The following NAV2 variants were observed in gnomAD, a reference collection of about 807,000 sequenced individuals.
NAV2 encodes helicase, APC down-regulated 1.
Under a neutral mutation model 223.2 loss-of-function variants are expected in NAV2, and 54 were observed. The ratio of observed to expected loss-of-function variants is 0.24; its 90% CI spans 0.19 to 0.30. The LOEUF (loss-of-function observed/expected upper bound fraction) is 0.30. Among genes scored for constraint, NAV2 ranks in the 10% least tolerant of loss-of-function variants. The pLI, the probability that NAV2 is intolerant of heterozygous loss-of-function variation, is 1.00. For synonymous variants in NAV2, 1,279 were observed against 1,239.3 expected (o/e 1.03, Z -0.67); for missense variants, 2,806 against 3,147.5 (o/e 0.89, Z 2.60).
rs34649376 is a variant in NAV2 at position 19,818,231 on chromosome 11, A to ATTTTTT, written c.268-14227_268-14222dup. On this transcript the variant is annotated intron_variant, in intron 1 of 37. Coordinates refer to ENST00000349880, the MANE Select transcript of NAV2 (RefSeq NM_145117.5). ...CTGTCCCACCTGTGTGTATTTAGTG[A>ATTTTTT]TTTTTTTTTTTTTTTTTTTTTTTTT... Among the ~76,000 whole-genome samples the ATTTTTT allele has an allele frequency of 4.1e-4, 23 of 56,040 alleles. 3 individuals carry two copies. The highest frequency in any genetic ancestry group is 1.3e-3 in the African/African-American group (15 of 11,534). 36.8% of individuals were successfully genotyped at this position (56,040 alleles called of 152,430 possible). A position where few individuals can be genotyped will look rare whatever the true frequency, so the allele number is the denominator to read the frequency against.
chr11:19,678,778 C>T (rs4267050), intron 1 of NAV2, among the ~76,000 whole-genome samples: 118,196 of 152,114 alleles, frequency 0.78, 48,346 homozygotes, highest in Non-Finnish European at 0.91. Flanking sequence ...TGCTAATGCC[C>T]GGATTGGCCA....
intron 1 of NAV2, among the ~76,000 whole-genome samples, chr11:19,799,416 TA>T (rs2058100199): frequency 6.6e-6 from 1 of 152,124 alleles, no homozygotes; most frequent in Non-Finnish European, 1.5e-5. Flanking sequence ...TCAACAACCC[TA>T]AGTGAGTAGA....
chr11:19,369,782 G>A (rs1324145341), intron 1 of NAV2, among the ~76,000 whole-genome samples: 1 of 152,168 alleles, frequency 6.6e-6, no homozygotes, highest in Non-Finnish European at 1.5e-5. Flanking sequence ...TGAATATCGA[G>A]CCGGTGCATC....
chr11:20,077,668 C>G, intron 23 of NAV2, 33 bp downstream of exon 23: 1 of 1,526,536 alleles, frequency 6.6e-7, no homozygotes, highest in African/African-American at 1.4e-5. Flanking sequence ...ACCCTCCCTA[C>G]TTGGAGTTAA....
intron 11 of NAV2, among the ~76,000 whole-genome samples, chr11:20,022,337 C>T (rs769412035): frequency 5.3e-5 from 8 of 152,130 alleles, no homozygotes; most frequent in Non-Finnish European, 7.4e-5. Flanking sequence ...CTCTCTCCCA[C>T]CCACCTCCCC....
Position 19,738,734 on chromosome 11 carries a change from A to T in NAV2, c.267+24772A>T, listed in dbSNP as rs561509116. On this transcript the variant is annotated intron_variant, in intron 1 of 37. Transcript: ENST00000349880. Reference sequence around the variant, plus strand: ...TGTTTGGGCTTTGTGAAGGCTCTTTAAAGGTGTTTTAATGACAGCAGAGAT... The same window carrying T: ...TGTTTGGGCTTTGTGAAGGCTCTTTTAAGGTGTTTTAATGACAGCAGAGAT... 2.6e-5 allele frequency among the ~76,000 whole-genome samples: 4 copies of T among 152,240 alleles called. No homozygotes were observed. The East Asian group carries it at 7.7e-4, about 29-fold the overall frequency.
chr11:19,658,666 C>G (rs2048190840), intron 1 of NAV2, among the ~76,000 whole-genome samples: 1 of 152,186 alleles, frequency 6.6e-6, no homozygotes, highest in African/African-American at 2.4e-5. Context: ...TATCCCCGTG[C>G]AGGCTCTGAC....
rs372881201 is a variant in NAV2, at chr11:19,554,362, C to A, written c.75+203335C>A. Among the ~76,000 whole-genome samples, 32 of 152,300 alleles carry A rather than the reference C, an allele frequency of 2.1e-4. 1 individual carries two copies. The South Asian group carries it at 6.4e-3, about 31-fold the overall frequency. ...GATGCCAATGCCCACACTAGGCCAA[C>A]CTTACAGTTTGTGATTTGTCTCTGG... On this transcript the variant is annotated intron_variant, in intron 1 of 37. Transcript: ENST00000360655.
At chr11:20,060,535 C>A (rs2058636990) in intron 19 of NAV2, among the ~76,000 whole-genome samples, 1 of 152,160 alleles carries the variant, frequency 6.6e-6, no homozygotes, top group African/African-American at 2.4e-5. Context: ...CAGGGCATTG[C>A]TAAGGAGGGT....
At chr11:19,631,787 G>A (rs1322180119) in intron 1 of NAV2, among the ~76,000 whole-genome samples, 3 of 152,218 alleles carry the variant, frequency 2.0e-5, no homozygotes, top group East Asian at 1.9e-4. Flanking sequence ...CATCATGCCT[G>A]GCTTGTGGCT....
chr11:19,438,467 T>C lies in NAV2; in HGVS notation c.75+87440T>C, dbSNP rs142287965. Among the ~76,000 whole-genome samples, 1,469 of 152,332 alleles carry C rather than the reference T, an allele frequency of 9.6e-3. 24 individuals carry two copies. Among genetic ancestry groups the C allele is most frequent in the African/African-American group, 0.034 (1,397 of 41,572 alleles). On this transcript the variant is annotated intron_variant, in intron 1 of 37. Transcript: ENST00000360655. ...TCAGAGTCTGTTTTACCAGCTACTATGATCTGTTTTTAACTCATAACACTT... is the reference window on the plus strand; with the variant it reads ...TCAGAGTCTGTTTTACCAGCTACTACGATCTGTTTTTAACTCATAACACTT...
At chr11:19,484,633 G>A (rs1466079248) in intron 1 of NAV2, among the ~76,000 whole-genome samples, 1 of 152,142 alleles carries the variant, frequency 6.6e-6, no homozygotes, top group Non-Finnish European at 1.5e-5. Context: ...TTCTCAGGAG[G>A]AGGCAGAAAT....
At chr11:19,715,763 C>G (rs1334503946) in intron 1 of NAV2, among the ~76,000 whole-genome samples, 2 of 152,204 alleles carry the variant, frequency 1.3e-5, no homozygotes, top group African/African-American at 4.8e-5. Context: ...CTTTGCTTCC[C>G]TCTTTTGCCC....
chr11:19,750,042 C>T (rs1168228265), intron 1 of NAV2, among the ~76,000 whole-genome samples: 2 of 152,222 alleles, frequency 1.3e-5, no homozygotes, highest in Admixed American at 1.3e-4. Flanking sequence ...ACAAAGAATT[C>T]AGCTTTGCAA....
intron 1 of NAV2, among the ~76,000 whole-genome samples, chr11:19,429,031 T>C (rs1850943523): frequency 6.6e-6 from 1 of 152,142 alleles, no homozygotes; most frequent in Non-Finnish European, 1.5e-5. Context: ...AGAAGGGGAA[T>C]GGGGAAGACC....
chr11:19,976,094 C>T (rs60759028), intron 10 of NAV2, among the ~76,000 whole-genome samples: 14,501 of 152,136 alleles, frequency 0.095, 745 homozygotes, highest in African/African-American at 0.14. Context: ...AATAAATATA[C>T]GTAGAAGCAC....
intron 1 of NAV2, among the ~76,000 whole-genome samples, chr11:19,488,262 C>A (rs908628081): frequency 2.0e-5 from 3 of 152,002 alleles, no homozygotes; most frequent in African/African-American, 4.8e-5. Flanking sequence ...TGAAAAGATG[C>A]AAAATGAAAA....
chr11:19,347,003 A>G (rs1853049188), upstream of NAV2, among the ~76,000 whole-genome samples: 1 of 152,224 alleles, frequency 6.6e-6, no homozygotes, highest in Non-Finnish European at 1.5e-5. Context: ...CTCCAGGTAT[A>G]AGATGAAACA....
chr11:19,835,130 A>G (rs897104074), intron 2 of NAV2, among the ~76,000 whole-genome samples: 12 of 152,226 alleles, frequency 7.9e-5, no homozygotes, highest in Admixed American at 2.0e-4. Context: ...ATCATTGCTC[A>G]GGATGATGCT....
Sources: gnomAD v4.1 joint callset for allele counts (sites outside exome capture counted in the v4.1 genomes callset) on GRCh38, gnomAD v4.1.1 for gene constraint, MANE v1.5 for transcripts, NCBI Gene and HGNC (gene_info 2026-07-23, HGNC 2026-07-21) for gene names.